The following YPEL2 variants were observed in gnomAD, a reference collection of about 807,000 sequenced individuals.
YPEL2 encodes protein yippee-like 2.
YPEL2 carries 2 observed loss-of-function variants against 19.1 expected under a neutral mutation model. That is an observed-to-expected ratio of 0.10 (90% CI 0.04 to 0.33). The LOEUF (loss-of-function observed/expected upper bound fraction) is 0.33. Among genes scored for constraint, YPEL2 ranks in the 10% least tolerant of loss-of-function variants. YPEL2 has a pLI of 1.00. For synonymous variants in YPEL2, 52 were observed against 50.0 expected (o/e 1.04, Z -0.17); for missense variants, 66 against 140.7 (o/e 0.47, Z 2.68).
chr17:59,395,558 A>G (rs1456703570), intron 4 of YPEL2, among the ~76,000 whole-genome samples: 2 of 152,072 alleles, frequency 1.3e-5, no homozygotes, highest in African/African-American at 2.4e-5. Context: ...GGGTTTAGAA[A>G]AGTCACCTGC....
At chr17:59,359,997 T>TCAA (rs1159497487) in intron 2 of YPEL2, among the ~76,000 whole-genome samples, 1 of 152,250 alleles carries the variant, frequency 6.6e-6, no homozygotes, top group Non-Finnish European at 1.5e-5. Flanking sequence ...CCTCCTGAGT[T>TCAA]CAAGAGACTC....
intron 2 of YPEL2, among the ~76,000 whole-genome samples, chr17:59,356,481 G>T (rs1044918447): frequency 6.6e-6 from 1 of 152,122 alleles, no homozygotes; most frequent in African/African-American, 2.4e-5. Flanking sequence ...AGTCTGTATT[G>T]CCATGGTGGT....
intron 4 of YPEL2, among the ~76,000 whole-genome samples, chr17:59,392,592 C>T (rs2048013279): frequency 6.8e-6 from 1 of 146,476 alleles, no homozygotes; most frequent in Non-Finnish European, 1.5e-5. Context: ...CTTACTGCAA[C>T]CTCCACCTCC....
At chr17:59,369,358 C>T (rs961387386) in intron 2 of YPEL2, among the ~76,000 whole-genome samples, 3 of 152,196 alleles carry the variant, frequency 2.0e-5, no homozygotes, top group South Asian at 2.1e-4. Context: ...TCTGACAGTA[C>T]ATCAGAATCA....
intron 3 of YPEL2, chr17:59,389,127 C>T (rs1196887139): frequency 3.8e-6 from 2 of 528,520 alleles, no homozygotes; most frequent in African/African-American, 1.9e-5. Context: ...AAACTCTCAA[C>T]CATAAAGATT....
chr17:59,381,760 C>T (rs2047950518), intron 2 of YPEL2, among the ~76,000 whole-genome samples: 1 of 152,172 alleles, frequency 6.6e-6, no homozygotes, highest in African/African-American at 2.4e-5. Context: ...AAACCCTTTC[C>T]TGGAGGCCTG....
chr17:59,359,272 G>A (rs2047828652), intron 2 of YPEL2, among the ~76,000 whole-genome samples: 2 of 152,170 alleles, frequency 1.3e-5, no homozygotes. Flanking sequence ...AATCTTGATG[G>A]AATTATCTGT....
intron 2 of YPEL2, among the ~76,000 whole-genome samples, chr17:59,386,705 C>T (rs2047981945): frequency 6.6e-6 from 1 of 152,132 alleles, no homozygotes; most frequent in Non-Finnish European, 1.5e-5. Flanking sequence ...TTGTCTTATC[C>T]AAACACTCAG....
chr17:59,339,852 G>A (rs562337896), intron 1 of YPEL2, among the ~76,000 whole-genome samples: 9 of 152,202 alleles, frequency 5.9e-5, no homozygotes, highest in South Asian at 4.1e-4. Flanking sequence ...CCTCATAGAC[G>A]CATAACAGGG....
intron 1 of YPEL2, among the ~76,000 whole-genome samples, chr17:59,351,220 C>T (rs2047785860): frequency 6.6e-6 from 1 of 151,990 alleles, no homozygotes; most frequent in Non-Finnish European, 1.5e-5. Flanking sequence ...ACTAAAAATA[C>T]AAAAATTAGC....
At chr17:59,368,345 A>T (rs554388498) in intron 2 of YPEL2, among the ~76,000 whole-genome samples, 1 of 152,308 alleles carries the variant, frequency 6.6e-6, no homozygotes, top group Admixed American at 6.5e-5. Context: ...TGGCCTGCCA[A>T]AGTGCTGGGA....
At chr17:59,337,119 G>T (rs1210760330) in intron 1 of YPEL2, among the ~76,000 whole-genome samples, 3 of 151,532 alleles carry the variant, frequency 2.0e-5, no homozygotes, top group Non-Finnish European at 4.4e-5. Flanking sequence ...TCTTATAAGG[G>T]TTTATATTGT....
intron 2 of YPEL2, among the ~76,000 whole-genome samples, chr17:59,381,742 C>G (rs1279821486): frequency 6.6e-6 from 1 of 152,138 alleles, no homozygotes; most frequent in Non-Finnish European, 1.5e-5. Context: ...GCTTAAAAAA[C>G]AAAACAAAAA....
chr17:59,382,681 T>TGCAATTG (rs1822792005), intron 2 of YPEL2, among the ~76,000 whole-genome samples: 1 of 152,254 alleles, frequency 6.6e-6, no homozygotes, highest in African/African-American at 2.4e-5. Context: ...TGAAGGTATA[T>TGCAATTG]GCAATTGGAT....
intron 2 of YPEL2, among the ~76,000 whole-genome samples, chr17:59,366,717 C>T (rs1007575222): frequency 6.6e-6 from 1 of 152,132 alleles, no homozygotes; most frequent in East Asian, 1.9e-4. Context: ...ATGTTCCAAA[C>T]GACAGGTACA....
chr17:59,349,734 C>T (rs183669530), intron 1 of YPEL2, among the ~76,000 whole-genome samples: 1 of 152,260 alleles, frequency 6.6e-6, no homozygotes, highest in East Asian at 1.9e-4. Context: ...GATCTCGGCT[C>T]ACTGCAACCT....
intron 3 of YPEL2, chr17:59,389,151 C>A: frequency 1.8e-6 from 1 of 554,322 alleles, no homozygotes; most frequent in South Asian, 2.5e-5. Context: ...TCGGTAGACC[C>A]ACTCCACTAG....
At chr17:59,350,766 A>C (rs1044291521) in intron 1 of YPEL2, among the ~76,000 whole-genome samples, 1 of 152,132 alleles carries the variant, frequency 6.6e-6, no homozygotes, top group Non-Finnish European at 1.5e-5. Context: ...AAATAATTCT[A>C]CTCTGGGGAA....
chr17:59,369,615 TG>T (rs1198610910), intron 2 of YPEL2, among the ~76,000 whole-genome samples: 1 of 152,242 alleles, frequency 6.6e-6, no homozygotes, highest in African/African-American at 2.4e-5. Flanking sequence ...ACTGGGGATC[TG>T]TATTTTAACG....
Sources: allele counts gnomAD v4.1 joint callset (sites outside exome capture counted in the v4.1 genomes callset), GRCh38; gene constraint gnomAD v4.1.1; transcripts MANE v1.5; gene names NCBI Gene and HGNC (gene_info 2026-07-23, HGNC 2026-07-21).